The following TAF3 variants were observed in gnomAD, a reference collection of about 807,000 sequenced individuals.
TAF3 encodes the protein transcription initiation factor TFIID subunit 3.
TAF3 carries 7 observed loss-of-function variants against 80.6 expected under a neutral mutation model. That is an observed-to-expected ratio of 0.09 (90% CI 0.05 to 0.16). The LOEUF (loss-of-function observed/expected upper bound fraction) is 0.16. Among genes scored for constraint, TAF3 ranks in the 10% least tolerant of loss-of-function variants. The probability of loss-of-function intolerance (pLI) is 1.00; values close to 1 mark genes in which losing one functional copy is unlikely to be tolerated. For missense variants in TAF3, 921 were observed against 1,140.2 expected, an observed-to-expected ratio of 0.81 and a Z score of 2.77; for synonymous variants, 444 against 446.1, an observed-to-expected ratio of 1.00 and a Z score of 0.06.
At chr10:7,870,647 T>G (rs1305564922) in intron 2 of TAF3, among the ~76,000 whole-genome samples, 15 of 152,178 alleles carry the variant, frequency 9.9e-5, no homozygotes, top group Admixed American at 8.5e-4. Context: ...TGACTTGAGT[T>G]TTTAGGCCTT....
At chr10:7,861,235 T>A (rs1837143526) in intron 2 of TAF3, among the ~76,000 whole-genome samples, 1 of 152,114 alleles carries the variant, frequency 6.6e-6, no homozygotes, top group African/African-American at 2.4e-5. Flanking sequence ...AGTGCTGGGA[T>A]TACAGGCGTG....
intron 2 of TAF3, among the ~76,000 whole-genome samples, chr10:7,842,868 G>A (rs1161105412): frequency 6.6e-6 from 1 of 152,182 alleles, no homozygotes. Context: ...TTTACAGTCT[G>A]TTCCTGAAAA....
chr10:7,864,164 A>G (rs562589855), intron 2 of TAF3, among the ~76,000 whole-genome samples: 38 of 152,288 alleles, frequency 2.5e-4, no homozygotes, highest in Non-Finnish European at 5.3e-4. Context: ...ATGTGTAATG[A>G]CAAATACCTG....
intron 2 of TAF3, among the ~76,000 whole-genome samples, chr10:7,854,891 C>T (rs1024074184): frequency 1.2e-4 from 18 of 152,104 alleles, no homozygotes; most frequent in African/African-American, 3.9e-4. Flanking sequence ...AATGAGACAG[C>T]AAAAGTGGTA....
chr10:7,919,054 G>T (rs1009709919), intron 2 of TAF3, among the ~76,000 whole-genome samples: 12 of 152,036 alleles, frequency 7.9e-5, no homozygotes, highest in African/African-American at 2.9e-4. Context: ...AAAAGCCCCT[G>T]GACATAGAGG....
chr10:7,963,783 A>G (rs1831537104), intron 2 of TAF3, 137 bp from the exon 3 acceptor site: 5 of 889,124 alleles, frequency 5.6e-6, no homozygotes, highest in South Asian at 2.1e-5. Context: ...TGTTGTGCCC[A>G]TGTACCCTAG....
At chr10:7,886,612 G>T (rs1837411182) in intron 2 of TAF3, among the ~76,000 whole-genome samples, 1 of 152,180 alleles carries the variant, frequency 6.6e-6, no homozygotes, top group South Asian at 2.1e-4. Context: ...AATATCTCAT[G>T]GGGTTAGTGT....
intron 2 of TAF3, among the ~76,000 whole-genome samples, chr10:7,891,959 A>C (rs1249431579): frequency 6.6e-6 from 1 of 152,238 alleles, no homozygotes; most frequent in Non-Finnish European, 1.5e-5. Flanking sequence ...ATATGTATAT[A>C]AATTGTAACA....
chr10:7,944,476 AG>A (rs1838006013), intron 2 of TAF3, among the ~76,000 whole-genome samples: 2 of 152,228 alleles, frequency 1.3e-5, no homozygotes, highest in African/African-American at 4.8e-5. Context: ...ACGCAGTAAA[AG>A]TTACTACGCA....
At chr10:7,878,355 C>T (rs2131151865) in intron 2 of TAF3, among the ~76,000 whole-genome samples, 1 of 152,264 alleles carries the variant, frequency 6.6e-6, no homozygotes, top group East Asian at 1.9e-4. Context: ...AACATCTCTC[C>T]TCCATTGAAT....
At chr10:7,891,168 TG>T (rs1344990610) in intron 2 of TAF3, among the ~76,000 whole-genome samples, 1 of 152,230 alleles carries the variant, frequency 6.6e-6, no homozygotes, top group Admixed American at 6.5e-5. Flanking sequence ...TATCTCCCAT[TG>T]GTTGCTGGTA....
chr10:7,930,613 T>C (rs1837859209), intron 2 of TAF3, among the ~76,000 whole-genome samples: 1 of 152,210 alleles, frequency 6.6e-6, no homozygotes, highest in South Asian at 2.1e-4. Flanking sequence ...TTATTTTATG[T>C]TGGACACTAA....
chr10:7,924,731 C>T (rs1214428226), intron 2 of TAF3, among the ~76,000 whole-genome samples: 3 of 151,480 alleles, frequency 2.0e-5, no homozygotes, highest in African/African-American at 7.3e-5. Flanking sequence ...ATCTCACCAC[C>T]CCAACAGAAC....
chr10:7,876,421 AG>A (rs1837312468), intron 2 of TAF3, among the ~76,000 whole-genome samples: 3 of 152,224 alleles, frequency 2.0e-5, no homozygotes, highest in Non-Finnish European at 2.9e-5. Context: ...GGCCATAAGC[AG>A]GTATTTTAAA....
intron 2 of TAF3, among the ~76,000 whole-genome samples, chr10:7,846,060 G>A (rs994714466): frequency 6.7e-6 from 1 of 148,968 alleles, no homozygotes; most frequent in Non-Finnish European, 1.5e-5. Context: ...CTGGGTTCAC[G>A]CCAGTCTCCT....
chr10:8,011,351 C>T (rs1832054372), intron 5 of TAF3, among the ~76,000 whole-genome samples: 1 of 152,048 alleles, frequency 6.6e-6, no homozygotes, highest in Admixed American at 6.5e-5. Context: ...CCTCCTGGGC[C>T]CCAGTGATCC....
intron 2 of TAF3, among the ~76,000 whole-genome samples, chr10:7,842,148 ATTGTTTTTTTTTTTTGTTTTTTTTT>A (rs1302186481): frequency 1.6e-4 from 17 of 106,320 alleles, no homozygotes; most frequent in Admixed American, 1.0e-3. Context: ...TTGAATTAAT[ATTGTTTTTTTTTTTTGTTTTTTTTT>A]TTGTTTTTTT....
chr10:7,945,329 C>T (rs1391421872), intron 2 of TAF3, among the ~76,000 whole-genome samples: 2 of 152,068 alleles, frequency 1.3e-5, no homozygotes, highest in African/African-American at 4.8e-5. Context: ...TAAATCTGAC[C>T]AGTCATCTTA....
chr10:7,963,288 C>T (rs1295744582), intron 2 of TAF3, among the ~76,000 whole-genome samples: 1 of 152,126 alleles, frequency 6.6e-6, no homozygotes, highest in Non-Finnish European at 1.5e-5. Context: ...ACGTGTGCTT[C>T]TATGTGCATG....
Sources: gnomAD v4.1 joint callset for allele counts (sites outside exome capture counted in the v4.1 genomes callset) on GRCh38, gnomAD v4.1.1 for gene constraint, MANE v1.5 for transcripts, NCBI Gene and HGNC (gene_info 2026-07-23, HGNC 2026-07-21) for gene names.